The following PTGFRN variants were observed in gnomAD, a reference collection of about 807,000 sequenced individuals.
PTGFRN encodes prostaglandin F2 receptor negative regulator.
Under a neutral mutation model 83.2 loss-of-function variants are expected in PTGFRN, and 35 were observed. The ratio of observed to expected loss-of-function variants is 0.42; its 90% CI spans 0.32 to 0.56. PTGFRN has a LOEUF of 0.56. Among genes scored for constraint, PTGFRN ranks in the 20% least tolerant of loss-of-function variants. The pLI is 0.11. For synonymous variants in PTGFRN, 519 were observed against 498.6 expected (o/e 1.04, Z -0.55); for missense variants, 1,051 against 1,179.5 (o/e 0.89, Z 1.60).
At chr1:116,967,908 A>G (rs1286911449) in intron 6 of PTGFRN, among the ~76,000 whole-genome samples, 2 of 152,180 alleles carry the variant, frequency 1.3e-5, no homozygotes, top group Non-Finnish European at 2.9e-5. Context: ...CAAATTTTTG[A>G]TGAATGTATG....
chr1:116,974,176 A>G (rs765383997), intron 6 of PTGFRN, 40 bp from the exon 7 acceptor site: 2 of 1,449,400 alleles, frequency 1.4e-6, no homozygotes, highest in Middle Eastern at 1.8e-4. Context: ...TGACAAAAGC[A>G]TGAAAGAGAA....
chr1:116,987,228 C>A lies in PTGFRN; in HGVS notation c.*261C>A. The A allele has an allele frequency of 2.4e-6, 1 of 408,286 alleles. No homozygotes were observed. The highest frequency in any genetic ancestry group is 4.5e-6 in the Non-Finnish European group (1 of 224,286). 25.3% of individuals were successfully genotyped at this position (408,286 alleles called of 1,614,324 possible). A position where few individuals can be genotyped will look rare whatever the true frequency, so the allele number is the denominator to read the frequency against. On this transcript the variant is annotated 3_prime_UTR_variant, in exon 9 of 9. Coordinates refer to ENST00000393203, the MANE Select transcript of PTGFRN (RefSeq NM_020440.4). ...CAACTGCAGCTTTTTAATGGTTAAC[C>A]TTCATCTAATTTTTTTTCTCCCACT...
At chr1:116,949,065 C>T (rs1650268068) in intron 3 of PTGFRN, 127 bp from the exon 4 acceptor site, 3 of 1,175,868 alleles carry the variant, frequency 2.6e-6, no homozygotes, top group African/African-American at 3.1e-5. Flanking sequence ...GCACTTACAA[C>T]TGTACAAAGC....
intron 7 of PTGFRN, among the ~76,000 whole-genome samples, chr1:116,982,111 C>G (rs1163051121): frequency 1.3e-5 from 2 of 152,096 alleles, no homozygotes; most frequent in African/African-American, 4.8e-5. Context: ...GAAGAGACTA[C>G]CGGGGAAAAG....
chr1:116,978,325 G>C (rs10801919), intron 7 of PTGFRN, among the ~76,000 whole-genome samples: 36,220 of 152,026 alleles, frequency 0.24, 4,573 homozygotes, highest in East Asian at 0.46. Flanking sequence ...CCTTCTGAAA[G>C]TATTCCAATC....
At chr1:116,944,560 A>T (rs1250006846) in intron 2 of PTGFRN, 119 bp from the exon 3 acceptor site, 8 of 1,066,390 alleles carry the variant, frequency 7.5e-6, no homozygotes, top group Non-Finnish European at 9.7e-6. Flanking sequence ...AAACGTGCCC[A>T]TCCGGGTCTT....
chr1:116,985,698 A>C, intron 8 of PTGFRN, among the ~76,000 whole-genome samples: 1 of 140,238 alleles, frequency 7.1e-6, no homozygotes, highest in Non-Finnish European at 1.5e-5. Flanking sequence ...ACAATGGGAT[A>C]CTCCATCTCA....
At chr1:116,936,944 G>A (rs1212645719) in intron 1 of PTGFRN, among the ~76,000 whole-genome samples, 2 of 152,146 alleles carry the variant, frequency 1.3e-5, no homozygotes, top group African/African-American at 4.8e-5. Context: ...ACAAATAATA[G>A]TGAAAACATA....
intron 7 of PTGFRN, among the ~76,000 whole-genome samples, chr1:116,978,865 C>T (rs1357798075): frequency 1.3e-5 from 2 of 152,140 alleles, no homozygotes; most frequent in East Asian, 3.9e-4. Context: ...GTTGGAAGTT[C>T]TGGCCAGGGC....
chr1:116,985,039 AG>A (rs1311774761), intron 8 of PTGFRN, 54 bp downstream of exon 8: 19 of 1,559,382 alleles, frequency 1.2e-5, no homozygotes, highest in African/African-American at 2.7e-5. Flanking sequence ...TTCTTGTGCC[AG>A]GCTGTAGCTG....
intron 7 of PTGFRN, among the ~76,000 whole-genome samples, chr1:116,982,382 A>G (rs1651344263): frequency 6.6e-6 from 1 of 152,126 alleles, no homozygotes; most frequent in Non-Finnish European, 1.5e-5. Flanking sequence ...TGAATTATTA[A>G]ACACAAGTTG....
intron 4 of PTGFRN, among the ~76,000 whole-genome samples, chr1:116,953,159 T>A (rs1331623684): frequency 1.3e-5 from 2 of 152,238 alleles, no homozygotes; most frequent in African/African-American, 4.8e-5. Context: ...CAGAGTTGAG[T>A]TCTGCTGTTC....
intron 1 of PTGFRN, among the ~76,000 whole-genome samples, chr1:116,916,610 G>C (rs185508930): frequency 6.6e-6 from 1 of 152,120 alleles, no homozygotes; most frequent in Non-Finnish European, 1.5e-5. Context: ...AAAGGCCTGC[G>C]TACCCAGAGA....
In PTGFRN at chr1:116,961,433, C is replaced by CGG; in HGVS notation, c.1407_1408dup (p.Asp470GlyfsTer5). The stretch of plus-strand genomic sequence containing the variant: ...CCAGCGAGCTGCTTGCAGTCATGGA[C>CGG]GGGGACTGGACGCTAAAATATGGAG... On this transcript the variant is annotated frameshift_variant, in exon 5 of 9. Coordinates refer to ENST00000393203, the MANE Select transcript of PTGFRN (RefSeq NM_020440.4). LOFTEE classifies it high-confidence loss of function. The surrounding 1 kb of genome is among the most constrained non-coding windows in gnomAD (Gnocchi z 5.4). The CGG allele has an allele frequency of 6.2e-7, 1 of 1,614,084 alleles. No homozygotes were observed. Among genetic ancestry groups the CGG allele is most frequent in the Non-Finnish European group, 8.5e-7 (1 of 1,180,020 alleles).
Position 116,944,838 on chromosome 1 carries a change from G to A in PTGFRN, c.578G>A (p.Arg193Lys). ...LLWEVHRGPA[R>K]RSVLALTHEG... is the part of the protein sequence containing the mutation. ...TGGGAGGTGCACCGCGGCCCGGCCA[G>A]GCGGAGCGTCCTCGCCCTGACCCAC... The change falls in exon 3 of 9, where the codon AGG (arginine) becomes AAG (lysine). Residue 193 changes from arginine to lysine, a missense_variant. By Grantham distance (26) the Arg-to-Lys change is conservative. This residue lies in a region of PTGFRN where 205 missense variants were observed against 174.5 expected (regional missense o/e 1.17). Transcript: ENST00000393203. 6.3e-7 allele frequency: 1 copy of A among 1,588,948 alleles called. No individual in the cohort carries two copies. Among genetic ancestry groups the A allele is most frequent in the Admixed American group, 1.7e-5 (1 of 57,356 alleles).
intron 2 of PTGFRN, 52 bp from the exon 3 acceptor site, chr1:116,944,627 C>T (rs928324579): frequency 2.2e-6 from 3 of 1,348,954 alleles, no homozygotes; most frequent in Non-Finnish European, 2.9e-6. Flanking sequence ...CTGGCCCTTG[C>T]CGGCTGGGGT....
chr1:116,955,494 CTT>C (rs1233921412), intron 4 of PTGFRN, among the ~76,000 whole-genome samples: 1 of 152,110 alleles, frequency 6.6e-6, no homozygotes, highest in Non-Finnish European at 1.5e-5. Context: ...AAAACACACA[CTT>C]TTTTCTTCTA....
chr1:116,948,129 A>G (rs1650248781), intron 3 of PTGFRN, among the ~76,000 whole-genome samples: 1 of 152,236 alleles, frequency 6.6e-6, no homozygotes, highest in Admixed American at 6.5e-5. Context: ...CTAGAAGGCC[A>G]GGGCTGTGCC....
At chr1:116,921,815 C>G (rs1248128582) in intron 1 of PTGFRN, among the ~76,000 whole-genome samples, 1 of 151,950 alleles carries the variant, frequency 6.6e-6, no homozygotes, top group Admixed American at 6.6e-5. Flanking sequence ...GGGACTGTCA[C>G]AATTATAGAG....
Sources: gnomAD v4.1 joint callset for allele counts (sites outside exome capture counted in the v4.1 genomes callset) on GRCh38, gnomAD v4.1.1 for gene constraint, gnomAD v4.1.1 regional missense constraint, Gnocchi (gnomAD v3.1) non-coding constraint, MANE v1.5 for transcripts, NCBI Gene and HGNC (gene_info 2026-07-23, HGNC 2026-07-21) for gene names.